The following PLCZ1 variants were observed in gnomAD, a reference collection of about 807,000 sequenced individuals.
The protein encoded by PLCZ1 is 1-phosphatidylinositol 4,5-bisphosphate phosphodiesterase zeta-1.
In PLCZ1, 64 loss-of-function variants were observed where a neutral mutation model predicts 76.8. The ratio of observed to expected loss-of-function variants is 0.83; its 90% CI spans 0.68 to 1.03. PLCZ1 has a LOEUF of 1.03. Ranked by LOEUF, PLCZ1 falls within the 50% of genes least tolerant of loss-of-function variation. PLCZ1 has a pLI of 0.00. For missense variants in PLCZ1, 751 were observed against 713.7 expected (o/e 1.05, Z -0.60); for synonymous variants, 248 against 230.8 (o/e 1.07, Z -0.68).
At chr12:18,662,335 A>G in the PLCZ1 span, among the ~76,000 whole-genome samples, 1 of 152,070 alleles carries the variant, frequency 6.6e-6, no homozygotes, top group African/African-American at 2.4e-5. Flanking sequence ...CAATTTTTAA[A>G]AAACACAAAA....
rs766128890 is a variant in PLCZ1 at position 18,705,205 on chromosome 12, A to C, written c.825T>G (p.Asp275Glu). The C allele has an allele frequency of 4.3e-6, 7 of 1,614,072 alleles. No individual in the cohort carries two copies. The South Asian group carries it at 7.7e-5, about 18-fold the overall frequency. ...QATFGESLLS[D>E]MLDDFPDTLP... ...GAGTATCAGGAAAATCATCAAGCAT[A>C]TCAGAAAGCAAGGACTCTCCAAAAG... is the stretch of plus-strand genomic sequence containing the variant. The change falls in exon 7 of 15, where the codon GAT (aspartate) becomes GAG (glutamate). Residue 275 changes from aspartate (D) to glutamate (E), a missense_variant. By Grantham distance (45) the Asp-to-Glu change is conservative. Transcript: ENST00000266505.
At chr12:18,735,950 A>G (rs930569149) in intron 3 of PLCZ1, 1 of 292,680 alleles carries the variant, frequency 3.4e-6, no homozygotes, top group Non-Finnish European at 6.4e-6. Flanking sequence ...TACCATTATC[A>G]GTCTGATATA....
In PLCZ1 at chr12:18,688,186, A is replaced by G; in HGVS notation, c.1494T>C (p.His498=). The G allele has an allele frequency of 6.2e-7, 1 of 1,610,914 alleles. No homozygotes were observed. The highest frequency in any genetic ancestry group is 8.5e-7 in the Non-Finnish European group (1 of 1,178,654). The stretch of plus-strand genomic sequence containing the variant: ...ATGAATCACCTTTGTTAGATGATGA[A>G]TGAGTAAGAGGCAACTGGATACCAC... ...LISGIQLPLT[H]SSSNKGDSLV... The change falls in exon 13 of 15, where the codon CAT becomes CAC. Residue 498 remains histidine (H), a synonymous_variant. Coordinates refer to ENST00000266505, the MANE Select transcript of PLCZ1 (RefSeq NM_033123.4).
At chr12:18,725,535 C>A (rs7969039) in intron 3 of PLCZ1, among the ~76,000 whole-genome samples, 3,591 of 152,164 alleles carry the variant, frequency 0.024, 131 homozygotes, top group African/African-American at 0.082. Flanking sequence ...ATGCAGAAAT[C>A]AATTCTGTAA....
chr12:18,645,773 T>C, the PLCZ1 span, among the ~76,000 whole-genome samples: 5 of 152,198 alleles, frequency 3.3e-5, no homozygotes, highest in Admixed American at 3.3e-4. Flanking sequence ...AAACACACAG[T>C]TGACAACAGA....
downstream of PLCZ1, among the ~76,000 whole-genome samples, chr12:18,681,145 G>A (rs1345366551): frequency 6.6e-6 from 1 of 152,002 alleles, no homozygotes; most frequent in Admixed American, 6.6e-5. Context: ...AAGGAAACAC[G>A]ACAGTTTAGC....
intron 3 of PLCZ1, among the ~76,000 whole-genome samples, chr12:18,728,657 A>G (rs1483366195): frequency 1.3e-5 from 2 of 152,132 alleles, no homozygotes; most frequent in African/African-American, 4.8e-5. Context: ...ATAAAAAGGG[A>G]TAAGTGAAAT....
chr12:18,654,138 G>A, the PLCZ1 span, among the ~76,000 whole-genome samples: 1 of 151,994 alleles, frequency 6.6e-6, no homozygotes, highest in African/African-American at 2.4e-5. Flanking sequence ...AACACAGACT[G>A]GGCAGATATG....
At chr12:18,686,095 C>T (rs998132044) in intron 13 of PLCZ1, among the ~76,000 whole-genome samples, 6 of 151,980 alleles carry the variant, frequency 3.9e-5, no homozygotes, top group Admixed American at 2.0e-4. Context: ...GCCATCTGGA[C>T]GTTGACTTCT....
intron 5 of PLCZ1, among the ~76,000 whole-genome samples, chr12:18,716,253 G>GA (rs139920100): frequency 0.019 from 2,855 of 151,760 alleles, 80 homozygotes; most frequent in African/African-American, 0.065. Context: ...GGGGTGGGGG[G>GA]AAAAAACCAC....
At chr12:18,677,235 CCA>C in the PLCZ1 span, among the ~76,000 whole-genome samples, 1 of 152,018 alleles carries the variant, frequency 6.6e-6, no homozygotes, top group Non-Finnish European at 1.5e-5. Flanking sequence ...CACTTTAAAT[CCA>C]GAGAGCAAAA....
In PLCZ1 at chr12:18,737,538, G is replaced by T. The variant is rs529457993; in HGVS notation, c.-138-29C>A. The T allele has an allele frequency of 4.6e-5, 40 of 870,366 alleles. No individual in the cohort carries two copies. In the South Asian group the frequency reaches 5.6e-4, roughly 12 times the overall value. The allele number at this position is 870,366 out of a possible 1,614,324, so 53.9% of individuals were successfully genotyped here. ...GGGAGAAAGCAGAGAACACACAGTG[G>T]TTTTTTTTGCCTTCGTTCTTTGAAG... On this transcript the variant is annotated intron_variant, in intron 1 of 14. Transcript: ENST00000266505.
rs1186637571 is a variant in PLCZ1 at position 18,705,166 on chromosome 12, C to T, written c.864G>A (p.Glu288=). 1.2e-6 allele frequency: 2 copies of T among 1,613,746 alleles called. No homozygotes were observed. The highest frequency in any genetic ancestry group is 1.7e-5 in the Admixed American group (1 of 59,994). The change falls in exon 7 of 15, where the codon GAG becomes GAA. Residue 288 remains glutamate, a splice_region_variant and synonymous_variant. Coordinates refer to ENST00000266505, the MANE Select transcript of PLCZ1 (RefSeq NM_033123.4). ...TGAGTTTCTCAGAAAAAAATGTTAC[C>T]TCTGGTGATGGTAGAGTATCAGGAA... ...DDFPDTLPSP[E]ALKFKILVKN... is the part of the protein sequence containing the mutation.
chr12:18,674,504 T>C, the PLCZ1 span, among the ~76,000 whole-genome samples: 3 of 152,172 alleles, frequency 2.0e-5, no homozygotes, highest in Non-Finnish European at 4.4e-5. Flanking sequence ...ATTGAGCAAA[T>C]ACATGAATGT....
At chr12:18,692,231 G>A (rs148039322) in intron 12 of PLCZ1, among the ~76,000 whole-genome samples, 1 of 152,072 alleles carries the variant, frequency 6.6e-6, no homozygotes, top group Non-Finnish European at 1.5e-5. Flanking sequence ...GATCTGAGAT[G>A]GTTTATACAG....
intron 11 of PLCZ1, among the ~76,000 whole-genome samples, chr12:18,695,415 T>C (rs1954819039): frequency 1.3e-5 from 2 of 152,176 alleles, no homozygotes; most frequent in African/African-American, 2.4e-5. Context: ...GTGCATTGAA[T>C]GCAAGAGGTA....
downstream of PLCZ1, among the ~76,000 whole-genome samples, chr12:18,678,242 G>A (rs1207596754): frequency 6.6e-6 from 1 of 152,070 alleles, no homozygotes; most frequent in African/African-American, 2.4e-5. Context: ...TGTCACATCT[G>A]AGCCAAATAA....
intron 12 of PLCZ1, chr12:18,693,657 G>C: frequency 6.4e-7 from 1 of 1,565,414 alleles, no homozygotes; most frequent in Admixed American, 1.7e-5. Flanking sequence ...GGGACAAAAA[G>C]ATATGACTCC....
At chr12:18,691,880 G>T (rs1954143869) in intron 12 of PLCZ1, among the ~76,000 whole-genome samples, 1 of 152,108 alleles carries the variant, frequency 6.6e-6, no homozygotes, top group South Asian at 2.1e-4. Flanking sequence ...TTCCTGCAAT[G>T]GTCAGGATCA....
Sources: gnomAD v4.1 joint callset for allele counts (sites outside exome capture counted in the v4.1 genomes callset) on GRCh38, gnomAD v4.1.1 for gene constraint, MANE v1.5 for transcripts, NCBI Gene and HGNC (gene_info 2026-07-23, HGNC 2026-07-21) for gene names.